Variants in STOM observed in about 807,000 individuals in gnomAD.
STOM encodes the protein stomatin, also known as erythrocyte band 7 integral membrane protein.
A neutral mutation model predicts 30.6 loss-of-function variants in STOM; 25 were observed. The ratio of observed to expected loss-of-function variants is 0.82; its 90% CI spans 0.60 to 1.14. STOM has a LOEUF of 1.14. STOM is among the 50% of genes most tolerant of loss of function. The probability of loss-of-function intolerance (pLI) is 0.00; values close to 1 mark genes in which losing one functional copy is unlikely to be tolerated. For missense variants in STOM, 292 were observed against 365.2 expected, an observed-to-expected ratio of 0.80 and a Z score of 1.63; for synonymous variants, 118 against 130.8, an observed-to-expected ratio of 0.90 and a Z score of 0.67.
In STOM at chr9:121,366,774, G is replaced by A. The variant is rs1414165637; in HGVS notation, c.61+3353C>T. Among the ~76,000 whole-genome samples, 3 of 152,112 alleles carry A rather than the reference G, an allele frequency of 2.0e-5. No individual in the cohort carries two copies. The East Asian group carries it at 5.8e-4, about 29-fold the overall frequency. On this transcript the variant is annotated intron_variant, in intron 1 of 6. Transcript: ENST00000286713. ...GATACTGGGCTACTACAGTGAAGAA[G>A]GACACAATCTCTATTTTCAAAAGTG... is the stretch of plus-strand genomic sequence containing the variant.
At chr9:121,343,298 T>C (rs2064262232) in intron 6 of STOM, among the ~76,000 whole-genome samples, 1 of 152,186 alleles carries the variant, frequency 6.6e-6, no homozygotes, top group Non-Finnish European at 1.5e-5. Flanking sequence ...ATATCAGAAT[T>C]GGAGGTGATG....
intron 1 of STOM, among the ~76,000 whole-genome samples, chr9:121,366,561 C>T (rs1290757720): frequency 6.6e-6 from 1 of 152,004 alleles, no homozygotes; most frequent in Non-Finnish European, 1.5e-5. Context: ...ACATAATGGC[C>T]ATGCCCTAAA....
chr9:121,359,987 A>T (rs1451832121), intron 1 of STOM, among the ~76,000 whole-genome samples: 4 of 152,232 alleles, frequency 2.6e-5, no homozygotes, highest in Non-Finnish European at 4.4e-5. Flanking sequence ...GGTGAAATGA[A>T]TTCCAAACAA....
Position 121,340,235 on chromosome 9 carries a change from T to C in STOM, c.*967A>G. ...TACTCATAAAGAAGGCTCAAATAAG[T>C]TAAAACATGGATGTATTTTTAAAAT... On this transcript the variant is annotated 3_prime_UTR_variant, in exon 7 of 7. Coordinates refer to ENST00000286713, the MANE Select transcript of STOM (RefSeq NM_004099.6). 1 of 985,380 alleles carries C rather than the reference T, an allele frequency of 1.0e-6. No individual in the cohort carries two copies. The highest frequency in any genetic ancestry group is 1.7e-5 in the African/African-American group (1 of 57,352). The allele number at this position is 985,380 out of a possible 1,614,324, so 61.0% of individuals were successfully genotyped here.
At chr9:121,350,244 T>C (rs879468161) in intron 4 of STOM, among the ~76,000 whole-genome samples, 1 of 152,202 alleles carries the variant, frequency 6.6e-6, no homozygotes, top group Non-Finnish European at 1.5e-5. Context: ...TGCTCCAGCC[T>C]GGGAATTCCA....
Position 121,341,088 on chromosome 9 carries a change from C to T in STOM, c.*114G>A. 1 of 1,546,052 alleles carries T rather than the reference C, an allele frequency of 6.5e-7. No individual in the cohort carries two copies. The highest frequency in any genetic ancestry group is 2.3e-5 in the East Asian group (1 of 44,174). On this transcript the variant is annotated 3_prime_UTR_variant, in exon 7 of 7. Transcript: ENST00000286713. ...CCTATTTTTATAACTGCTATACATT[C>T]TGGGAACACCACAATTGACATATGG...
In STOM at chr9:121,359,282, G is replaced by C. The variant is rs544998138; in HGVS notation, c.62-3126C>G. Reference sequence around the variant, plus strand: ...AAGAGAGACACATGTTGGCACCCAGGTCAAGTGCTCTAAAACATAGGATGA... The same window carrying C: ...AAGAGAGACACATGTTGGCACCCAGCTCAAGTGCTCTAAAACATAGGATGA... On this transcript the variant is annotated intron_variant, in intron 1 of 6. Transcript: ENST00000286713. Among the ~76,000 whole-genome samples the C allele has an allele frequency of 2.0e-5, 3 of 152,268 alleles. No homozygotes were observed. The South Asian group carries it at 6.2e-4, about 32-fold the overall frequency.
Position 121,340,612 on chromosome 9 carries a change from T to G in STOM, c.*590A>C. The G allele has an allele frequency of 1.7e-6, 1 of 573,046 alleles. No individual in the cohort carries two copies. Among genetic ancestry groups the G allele is most frequent in the Non-Finnish European group, 2.2e-6 (1 of 453,588 alleles). The allele number at this position is 573,046 out of a possible 1,614,324, so 35.5% of individuals were successfully genotyped here. A position where few individuals can be genotyped will look rare whatever the true frequency, so the allele number is the denominator to read the frequency against. Reference sequence around the variant, plus strand: ...TAATAATACAAAAATTAGCTGGGCATGGTGGCATGAGCCTGTAATCCCAGC... The same window carrying G: ...TAATAATACAAAAATTAGCTGGGCAGGGTGGCATGAGCCTGTAATCCCAGC... On this transcript the variant is annotated 3_prime_UTR_variant, in exon 7 of 7. Transcript: ENST00000286713.
chr9:121,360,776 GT>G (rs199887594), intron 1 of STOM, among the ~76,000 whole-genome samples: 2 of 151,786 alleles, frequency 1.3e-5, no homozygotes, highest in Admixed American at 1.3e-4. Context: ...GTTCAGCCCA[GT>G]TTTTTTTGTG....
chr9:121,356,092 G>A lies in STOM; in HGVS notation c.126C>T (p.Thr42=), dbSNP rs766503763. ...ATATTGAGATTGGGAAAGTTATAAC[G>A]GTGAATAAGAATGAGAACGCCACCA... is the stretch of plus-strand genomic sequence containing the variant. ...WILVAFSFLF[T]VITFPISIWM... is the part of the protein sequence containing the mutation. The change falls in exon 2 of 7, where the codon ACC becomes ACT. Residue 42 remains threonine (T), a synonymous_variant. Transcript: ENST00000286713. 21 of 1,614,056 alleles carry A rather than the reference G, an allele frequency of 1.3e-5. No individual in the cohort carries two copies. The highest frequency in any genetic ancestry group is 3.3e-5 in the South Asian group (3 of 91,068).
chr9:121,341,244 C>T lies in STOM; in HGVS notation c.825G>A (p.Met275Ile). 6.2e-7 allele frequency: 1 copy of T among 1,614,080 alleles called. No individual in the cohort carries two copies. The highest frequency in any genetic ancestry group is 8.5e-7 in the Non-Finnish European group (1 of 1,180,012). ...GTTTTGCCCCTATGATTCCTTGCAG[C>T]ATATCTATGGGCAGAGGGAAGACAA... ...STIVFPLPIDMLQGIIGAKHS... is the reference protein window; with the variant it reads ...STIVFPLPIDILQGIIGAKHS... The change falls in exon 7 of 7, where the codon ATG becomes ATA. Residue 275 changes from methionine (M) to isoleucine (I), a missense_variant. By Grantham distance (10) the Met-to-Ile change is conservative (BLOSUM62 1). Coordinates refer to ENST00000286713, the MANE Select transcript of STOM (RefSeq NM_004099.6).
chr9:121,347,870 T>C, intron 6 of STOM, 145 bp downstream of exon 6: 1 of 1,019,244 alleles, frequency 9.8e-7, no homozygotes, highest in South Asian at 1.8e-5. Flanking sequence ...GAATATGATT[T>C]GAAGTTACGG....
At chr9:121,354,159 C>T (rs561027462) in intron 3 of STOM, among the ~76,000 whole-genome samples, 1 of 152,158 alleles carries the variant, frequency 6.6e-6, no homozygotes, top group Non-Finnish European at 1.5e-5. Context: ...TAGAGATTCT[C>T]ATGCTCAAAC....
At chr9:121,367,405 T>C (rs950933078) in intron 1 of STOM, among the ~76,000 whole-genome samples, 1 of 152,200 alleles carries the variant, frequency 6.6e-6, no homozygotes, top group Non-Finnish European at 1.5e-5. Flanking sequence ...TGAATAAATA[T>C]GCCAGTTTTG....
At position 121,349,914 on chromosome 9, in the gene STOM, C is replaced by T. The variant is rs549211593; in HGVS notation, c.322-591G>A. Among the ~76,000 whole-genome samples, 6 of 152,308 alleles carry T rather than the reference C, an allele frequency of 3.9e-5. No homozygotes were observed. In the East Asian group the frequency reaches 1.2e-3, roughly 29 times the overall value. On this transcript the variant is annotated intron_variant, in intron 4 of 6. Coordinates refer to ENST00000286713, the MANE Select transcript of STOM (RefSeq NM_004099.6). Reference sequence around the variant, plus strand: ...GCTAAGAAGTTATCTGAGTGAGAGGCTCCAGGAAAATAGTTACATCCATCA... The same window carrying T: ...GCTAAGAAGTTATCTGAGTGAGAGGTTCCAGGAAAATAGTTACATCCATCA...
Position 121,370,122 on chromosome 9 carries a change from C to G in STOM, c.61+5G>C. On this transcript the variant is annotated splice_donor_5th_base_variant and intron_variant, in intron 1 of 6. Coordinates refer to ENST00000286713, the MANE Select transcript of STOM (RefSeq NM_004099.6). ...CGGGGGAGGGTCAGGGGACGCGGGA[C>G]TCACCCTTGAAGGAGTCGGGGAGCC... The G allele has an allele frequency of 6.5e-7, 1 of 1,541,826 alleles. No homozygotes were observed. The highest frequency in any genetic ancestry group is 1.4e-5 in the African/African-American group (1 of 73,082).
rs1037218769 is a variant in STOM, at chr9:121,356,111, G to A, written c.107C>T (p.Ala36Val). ...TATAACGGTGAATAAGAATGAGAAC[G>A]CCACCAAAATCCATCCGCAAGGTCC... ...GLGPCGWILV[A>V]FSFLFTVITF... Residue 36 changes from alanine (A) to valine (V), a missense_variant, in exon 2 of 7, where the codon GCG becomes GTG. Transcript: ENST00000286713. 2.5e-6 allele frequency: 4 copies of A among 1,613,958 alleles called. No homozygotes were observed. Among genetic ancestry groups the A allele is most frequent in the Non-Finnish European group, 3.4e-6 (4 of 1,180,014 alleles).
At chr9:121,342,906 C>T (rs1319652472) in intron 6 of STOM, among the ~76,000 whole-genome samples, 1 of 152,180 alleles carries the variant, frequency 6.6e-6, no homozygotes, top group Non-Finnish European at 1.5e-5. Flanking sequence ...GTCAAATGGA[C>T]TTGAGTTCAA....
intron 4 of STOM, among the ~76,000 whole-genome samples, chr9:121,351,061 CT>C (rs757250962): frequency 2.4e-4 from 37 of 152,294 alleles, no homozygotes; most frequent in Non-Finnish European, 4.3e-4. Flanking sequence ...AAGGGTTTAT[CT>C]CCCTTCACAG....
Sources: gnomAD v4.1 joint callset for allele counts (sites outside exome capture counted in the v4.1 genomes callset) on GRCh38, gnomAD v4.1.1 for gene constraint, MANE v1.5 for transcripts, NCBI Gene and HGNC (gene_info 2026-07-23, HGNC 2026-07-21) for gene names.